The following DMD variants were observed in gnomAD, a reference collection of about 807,000 sequenced individuals.
DMD encodes mutant dystrophin.
In DMD, 63 loss-of-function variants were observed where a neutral mutation model predicts 330.1. The ratio of observed to expected loss-of-function variants is 0.19; its 90% confidence interval spans 0.16 to 0.24. The LOEUF (loss-of-function observed/expected upper bound fraction) is 0.24, where lower values mean the gene tolerates loss of function less well. DMD is among the 10% of genes least tolerant of loss of function. The pLI, the probability that DMD is intolerant of heterozygous loss-of-function variation, is 1.00. For missense variants in DMD, 3,344 were observed against 2,684.1 expected (o/e 1.25, Z -5.43); for synonymous variants, 1,223 against 959.8 (o/e 1.27, Z -5.07).
At chrX:31,600,760 A>G (rs903454719) in intron 55 of DMD, among the ~76,000 whole-genome samples, 11 of 108,349 alleles carry the variant, frequency 1.0e-4, no homozygotes, top group Non-Finnish European at 5.7e-5. Context: ...TGTCCTTAAG[A>G]GAAAGCCACT....
intron 1 of DMD, among the ~76,000 whole-genome samples, chrX:33,152,642 T>C (rs945892657): frequency 5.4e-5 from 6 of 111,103 alleles, no homozygotes; most frequent in African/African-American, 2.0e-4. Flanking sequence ...TACTAGTTAC[T>C]TAGTAATTCT....
chrX:32,325,997 T>C (rs907796201), intron 41 of DMD, among the ~76,000 whole-genome samples: 6 of 111,272 alleles, frequency 5.4e-5, no homozygotes, highest in African/African-American at 1.3e-4. Flanking sequence ...TCCATAAAAA[T>C]ACAACTTTTT....
At chrX:33,261,001 A>G (rs1268152225) in intron 1 of DMD, among the ~76,000 whole-genome samples, 2 of 111,698 alleles carry the variant, frequency 1.8e-5, no homozygotes, top group African/African-American at 6.5e-5. Flanking sequence ...CCTGTATTAT[A>G]GACAGTAATA....
chrX:32,386,541 T>C, intron 32 of DMD, 76 bp from the exon 33 acceptor site: 2 of 924,954 alleles, frequency 2.2e-6, no homozygotes, highest in South Asian at 2.2e-5. Context: ...CAGAAATAAA[T>C]AGAGATCCCC....
chrX:31,913,353 C>G (rs940175810), intron 47 of DMD, among the ~76,000 whole-genome samples: 1 of 111,704 alleles, frequency 9.0e-6, no homozygotes, highest in African/African-American at 3.3e-5. Flanking sequence ...TGAAGCAGAA[C>G]TTTATCTTTA....
chrX:31,121,426 T>TTG lies in DMD; in HGVS notation c.*491_*492dup, dbSNP rs763028610. 4.0e-3 allele frequency: 411 copies of TTG among 103,092 alleles called. 2 individuals are homozygous for TTG. The highest frequency in any genetic ancestry group is 0.012 in the African/African-American group (267 of 22,067). The allele number at this position is 103,092 out of a possible 1,213,427, so 8.5% of individuals were successfully genotyped here. A position where few individuals can be genotyped will look rare whatever the true frequency, so the allele number is the denominator to read the frequency against. On this transcript the variant is annotated 3_prime_UTR_variant, in exon 79 of 79. Transcript: ENST00000357033. ...CAAAACAATGCGCTGCCTCAAAGTT[T>TTG]TGTGTGTGTGTGTGTATGTGTGTGT...
rs2042275692 is a variant in DMD at position 32,485,034 on chromosome X, G to A, written c.2688C>T (p.Ala896=). The change falls in exon 21 of 79, where the codon GCC becomes GCT. Residue 896 remains alanine (A), a synonymous_variant. Coordinates refer to ENST00000357033, the MANE Select transcript of DMD (RefSeq NM_004006.3). ...QIERLKIQSI[A]LKEKGQGPMF... ...TGGGTCCTTGTCCTTTCTCTTTCAG[G>A]GCTATGCTTTGAATTTTTAATCGTT... is the stretch of plus-strand genomic sequence containing the variant. 8.3e-7 allele frequency: 1 copy of A among 1,210,847 alleles called. No homozygotes were observed. The highest frequency in any genetic ancestry group is 1.1e-6 in the Non-Finnish European group (1 of 894,860).
At chrX:32,400,812 C>A (rs774049225) in intron 30 of DMD, among the ~76,000 whole-genome samples, 2,317 of 107,052 alleles carry the variant, frequency 0.022, 78 homozygotes, top group African/African-American at 0.077. Flanking sequence ...ACCATTTGAC[C>A]CAGCCATCCC....
At chrX:31,265,793 G>A (rs1346732119) in intron 62 of DMD, among the ~76,000 whole-genome samples, 2 of 73,982 alleles carry the variant, frequency 2.7e-5, no homozygotes, top group Admixed American at 1.6e-4. Flanking sequence ...TGGGGGGGGG[G>A]GGGGTGGGTG....
intron 7 of DMD, among the ~76,000 whole-genome samples, chrX:32,770,593 A>G (rs1275278509): frequency 9.0e-6 from 1 of 111,653 alleles, no homozygotes; most frequent in Non-Finnish European, 1.9e-5. Context: ...TATGAGTTGC[A>G]TAAAATTATA....
intron 42 of DMD, among the ~76,000 whole-genome samples, chrX:32,308,599 A>G (rs1180325799): frequency 9.0e-6 from 1 of 111,055 alleles, no homozygotes; most frequent in Non-Finnish European, 1.9e-5. Flanking sequence ...GCTAAATTAA[A>G]TCTACAATAA....
chrX:33,259,253 T>C (rs2148903063), intron 1 of DMD, among the ~76,000 whole-genome samples: 1 of 110,279 alleles, frequency 9.1e-6, no homozygotes. Flanking sequence ...CCTACGAACA[T>C]ACAGCTTCCC....
At chrX:31,556,785 T>C (rs1440547402) in intron 55 of DMD, among the ~76,000 whole-genome samples, 5 of 112,127 alleles carry the variant, frequency 4.5e-5, no homozygotes, top group Non-Finnish European at 7.5e-5. Flanking sequence ...AAAGACCTAA[T>C]TGGATTAGAA....
At chrX:31,699,393 A>G (rs751264807) in intron 52 of DMD, among the ~76,000 whole-genome samples, 155 of 112,419 alleles carry the variant, frequency 1.4e-3, no homozygotes, top group African/African-American at 5.0e-3. Context: ...ATCAATAGCC[A>G]TACTGTTCCC....
At chrX:32,537,366 C>G (rs2048087003) in intron 17 of DMD, among the ~76,000 whole-genome samples, 2 of 111,115 alleles carry the variant, frequency 1.8e-5, no homozygotes, top group South Asian at 7.6e-4. Context: ...AAAAATAAAG[C>G]ATCATAAGAA....
At chrX:32,754,758 G>T (rs2148322438) in intron 7 of DMD, among the ~76,000 whole-genome samples, 1 of 111,302 alleles carries the variant, frequency 9.0e-6, no homozygotes, top group South Asian at 3.8e-4. Context: ...ATACTCAATA[G>T]CATTTATACT....
chrX:32,536,320 G>C (rs983756630), intron 17 of DMD, among the ~76,000 whole-genome samples: 1 of 107,223 alleles, frequency 9.3e-6, no homozygotes, highest in Non-Finnish European at 1.9e-5. Flanking sequence ...CCTCTGCAAG[G>C]TTAGATAACC....
intron 44 of DMD, among the ~76,000 whole-genome samples, chrX:32,143,335 TA>T (rs886214878): frequency 4.5e-5 from 5 of 110,680 alleles, no homozygotes; most frequent in African/African-American, 1.3e-4. Flanking sequence ...ACCACTCATT[TA>T]AAAAAAATCT....
chrX:33,198,910 A>G (rs1169540547), intron 1 of DMD, among the ~76,000 whole-genome samples: 1 of 109,213 alleles, frequency 9.2e-6, no homozygotes, highest in African/African-American at 3.3e-5. Flanking sequence ...GGAAACGGGG[A>G]GGTTCTAGAC....
Sources: allele counts gnomAD v4.1 joint callset (sites outside exome capture counted in the v4.1 genomes callset), GRCh38; gene constraint gnomAD v4.1.1; transcripts MANE v1.5; gene names NCBI Gene and HGNC (gene_info 2026-07-23, HGNC 2026-07-21).